The following OLFM3 variants were observed in gnomAD, a reference collection of about 807,000 sequenced individuals.
OLFM3 encodes the protein noelin-3.
A neutral mutation model predicts 48.6 loss-of-function variants in OLFM3; 20 were observed. The observed-to-expected ratio is 0.41, with a 90% CI of 0.29 to 0.60. The LOEUF is 0.60. OLFM3 is among the 20% of genes least tolerant of loss of function. OLFM3 has a pLI of 0.28. For missense variants in OLFM3, 437 were observed against 544.3 expected, an observed-to-expected ratio of 0.80 and a Z score of 1.96; for synonymous variants, 222 against 198.1, an observed-to-expected ratio of 1.12 and a Z score of -1.01.
At chr1:101,989,342 A>AT (rs1055444138) in intron 1 of OLFM3, among the ~76,000 whole-genome samples, 2 of 152,022 alleles carry the variant, frequency 1.3e-5, no homozygotes, top group African/African-American at 4.8e-5. Context: ...GGAAAAATCA[A>AT]TTTTTTATTA....
chr1:101,994,690 C>T (rs1222416372), intron 1 of OLFM3, among the ~76,000 whole-genome samples: 3 of 151,080 alleles, frequency 2.0e-5, no homozygotes, highest in Non-Finnish European at 3.0e-5. Flanking sequence ...AAACTTTTTA[C>T]AACATTAAAA....
At chr1:101,937,757 T>C (rs1659667477) in intron 1 of OLFM3, among the ~76,000 whole-genome samples, 1 of 152,232 alleles carries the variant, frequency 6.6e-6, no homozygotes, top group Non-Finnish European at 1.5e-5. Context: ...AGTTCACTTT[T>C]ACATTTTCTT....
chr1:101,863,441 G>A (rs1441163915), intron 1 of OLFM3, among the ~76,000 whole-genome samples: 1 of 152,162 alleles, frequency 6.6e-6, no homozygotes, highest in Admixed American at 6.6e-5. Context: ...GTATGTTTTA[G>A]AGAAGAATAC....
intron 3 of OLFM3, among the ~76,000 whole-genome samples, chr1:101,827,694 A>G (rs746236859): frequency 1.3e-4 from 20 of 152,292 alleles, no homozygotes; most frequent in Non-Finnish European, 2.6e-4. Flanking sequence ...TAATTCAGAG[A>G]CCTAAAGTCT....
At chr1:101,996,681 GC>G in intron 1 of OLFM3, 66 bp downstream of exon 1, 3 of 1,510,410 alleles carry the variant, frequency 2.0e-6, no homozygotes, top group Non-Finnish European at 2.8e-6. Flanking sequence ...ATATTTATTT[GC>G]ATTTCTGTTA....
chr1:101,951,630 A>C (rs1660146779), intron 1 of OLFM3, among the ~76,000 whole-genome samples: 1 of 152,144 alleles, frequency 6.6e-6, no homozygotes. Context: ...TGAATAAGCC[A>C]AAAAAAGGAA....
At chr1:101,823,534 C>A (rs1654707385) in intron 4 of OLFM3, among the ~76,000 whole-genome samples, 1 of 151,862 alleles carries the variant, frequency 6.6e-6, no homozygotes, top group African/African-American at 2.4e-5. Context: ...AGAGAAGTGG[C>A]AAAAGCTAAG....
At position 101,804,495 on chromosome 1, in the gene OLFM3, C is replaced by A. The variant is rs1268835804; in HGVS notation, c.1120G>T (p.Ala374Ser). ...CCACAGATCATGAAAGATTCCCCTGCACTTCTCTTGGGGTAGCCAGTGCTC... is the reference window on the plus strand; with the variant it reads ...CCACAGATCATGAAAGATTCCCCTGAACTTCTCTTGGGGTAGCCAGTGCTC... ...SWSTGYPKRS[A>S]GESFMICGTL... The change falls in exon 6 of 6, where the codon GCA becomes TCA. Residue 374 changes from alanine to serine, a missense_variant. Transcript: ENST00000370103. The surrounding 1 kb of genome is among the most constrained non-coding windows in gnomAD (Gnocchi z 4.5). 1 of 1,612,702 alleles carries A rather than the reference C, an allele frequency of 6.2e-7. No individual in the cohort carries two copies.
At chr1:101,993,958 A>G (rs1307572612) in intron 1 of OLFM3, among the ~76,000 whole-genome samples, 4 of 151,382 alleles carry the variant, frequency 2.6e-5, no homozygotes, top group African/African-American at 4.8e-5. Flanking sequence ...CGACAGAAAA[A>G]AAAAAAAAAG....
In OLFM3 at chr1:101,933,675, G is replaced by A. The variant is rs1659525300; in HGVS notation, c.69+63073C>T. Among the ~76,000 whole-genome samples, 5 of 151,978 alleles carry A rather than the reference G, an allele frequency of 3.3e-5. No homozygotes were observed. The South Asian group carries it at 1.0e-3, about 31-fold the overall frequency. On this transcript the variant is annotated intron_variant, in intron 1 of 5. Transcript: ENST00000370103. ...GGCACATAATCACCAGATTCTCCAA[G>A]ATCCAAATGAAAGAAAAAATGTTAA...
intron 1 of OLFM3, among the ~76,000 whole-genome samples, chr1:101,904,477 T>C (rs186537675): frequency 6.6e-6 from 1 of 152,058 alleles, no homozygotes; most frequent in Non-Finnish European, 1.5e-5. Flanking sequence ...ACAGAAAGAG[T>C]GGATGAGAAT....
chr1:101,898,385 T>C (rs936510812), intron 1 of OLFM3, among the ~76,000 whole-genome samples: 2 of 152,202 alleles, frequency 1.3e-5, no homozygotes, highest in Non-Finnish European at 2.9e-5. Context: ...TCCAAACGCA[T>C]ACAGCTTTAT....
chr1:101,807,725 TA>T (rs951146130), intron 4 of OLFM3, among the ~76,000 whole-genome samples: 2 of 151,804 alleles, frequency 1.3e-5, no homozygotes, highest in African/African-American at 4.8e-5. Context: ...TCCCTTTTTG[TA>T]AAAGAAATCA....
chr1:101,830,891 A>G, intron 2 of OLFM3, 64 bp from the exon 3 acceptor site: 1 of 1,444,422 alleles, frequency 6.9e-7, no homozygotes, highest in Non-Finnish European at 9.4e-7. Context: ...ATCACTAAGA[A>G]ATAGCAAAAA....
chr1:101,850,390 A>C, intron 1 of OLFM3, among the ~76,000 whole-genome samples: 1 of 152,284 alleles, frequency 6.6e-6, no homozygotes, highest in Middle Eastern at 3.4e-3. Context: ...ATAGACTTAT[A>C]TAGTAAATAA....
chr1:101,875,289 T>C (rs933553228), intron 1 of OLFM3, among the ~76,000 whole-genome samples: 4 of 152,012 alleles, frequency 2.6e-5, no homozygotes, highest in Non-Finnish European at 4.4e-5. Context: ...TGTCATTATA[T>C]ATTTGCCAAA....
intron 1 of OLFM3, among the ~76,000 whole-genome samples, chr1:101,880,671 G>A (rs2100989667): frequency 6.6e-6 from 1 of 151,812 alleles, no homozygotes; most frequent in Admixed American, 6.6e-5. Context: ...GAAATATTAA[G>A]GTCTTGCCAA....
At chr1:101,953,661 T>C (rs2101074470) in intron 1 of OLFM3, among the ~76,000 whole-genome samples, 1 of 152,268 alleles carries the variant, frequency 6.6e-6, no homozygotes, top group African/African-American at 2.4e-5. Context: ...CCAGGCTGTG[T>C]TATCCAACCT....
At chr1:101,820,034 C>T (rs1284706193) in intron 4 of OLFM3, among the ~76,000 whole-genome samples, 1 of 152,076 alleles carries the variant, frequency 6.6e-6, no homozygotes, top group Non-Finnish European at 1.5e-5. Context: ...AAGATGGTCT[C>T]CTTCCCATCC....
Sources: allele counts gnomAD v4.1 joint callset (sites outside exome capture counted in the v4.1 genomes callset), GRCh38; gene constraint gnomAD v4.1.1; non-coding constraint Gnocchi (gnomAD v3.1); transcripts MANE v1.5; gene names NCBI Gene and HGNC (gene_info 2026-07-23, HGNC 2026-07-21).